NUP210L: variants seen among roughly 807,000 people sequenced by gnomAD.
NUP210L encodes the protein nucleoporin 210 like, also known as nuclear pore membrane glycoprotein 210-like.
Under a neutral mutation model 208.5 loss-of-function variants are expected in NUP210L, and 74 were observed. The observed-to-expected ratio is 0.35, with a 90% confidence interval of 0.29 to 0.43. The LOEUF (loss-of-function observed/expected upper bound fraction) is 0.43. Among genes scored for constraint, NUP210L ranks in the 20% least tolerant of loss-of-function variants. The probability of loss-of-function intolerance (pLI) is 1.00; values close to 1 mark genes in which losing one functional copy is unlikely to be tolerated. For synonymous variants in NUP210L, 780 were observed against 816.9 expected (o/e 0.95, Z 0.77); for missense variants, 1,843 against 2,289.4 (o/e 0.81, Z 3.98).
chr1:153,995,922 G>A, intron 37 of NUP210L: 1 of 524,734 alleles, frequency 1.9e-6, no homozygotes, highest in Non-Finnish European at 3.7e-6. Context: ...GAAAATTGTT[G>A]TGAAAGTGTC....
chr1:154,121,844 G>A (rs1392014431), intron 10 of NUP210L, among the ~76,000 whole-genome samples: 1 of 151,214 alleles, frequency 6.6e-6, no homozygotes, highest in African/African-American at 2.4e-5. Flanking sequence ...TCCAGTCTGG[G>A]CAACAGTAAG....
intron 10 of NUP210L, among the ~76,000 whole-genome samples, chr1:154,120,631 A>T (rs1303428847): frequency 5.8e-5 from 7 of 120,930 alleles, no homozygotes; most frequent in South Asian, 2.3e-4. Context: ...TATAATAATT[A>T]AAAAAAAAAA....
intron 11 of NUP210L, among the ~76,000 whole-genome samples, chr1:154,118,223 C>T (rs1354724044): frequency 6.6e-6 from 1 of 151,908 alleles, no homozygotes; most frequent in Non-Finnish European, 1.5e-5. Flanking sequence ...GCAGGAGAAT[C>T]GCTTCAACCT....
chr1:154,057,895 C>A (rs1045915132), intron 22 of NUP210L, among the ~76,000 whole-genome samples, 194 bp downstream of exon 22: 2 of 152,064 alleles, frequency 1.3e-5, no homozygotes, highest in South Asian at 4.1e-4. Context: ...AGGCATGTAC[C>A]CTCACGCCAG....
chr1:154,135,325 CCTT>C (rs1261329377), intron 7 of NUP210L, among the ~76,000 whole-genome samples: 3 of 152,160 alleles, frequency 2.0e-5, no homozygotes, highest in Admixed American at 2.0e-4. Flanking sequence ...CAACTATACT[CCTT>C]TTCTCTACTT....
chr1:154,030,378 G>C (rs1174677093), intron 27 of NUP210L, among the ~76,000 whole-genome samples: 3 of 151,892 alleles, frequency 2.0e-5, no homozygotes, highest in Admixed American at 6.6e-5. Flanking sequence ...GCTCACTGCA[G>C]CCTCGACCTC....
chr1:154,034,843 CTTT>C (rs35524701), intron 27 of NUP210L, among the ~76,000 whole-genome samples: 39 of 136,180 alleles, frequency 2.9e-4, no homozygotes, highest in Admixed American at 4.5e-4. Context: ...CTCTCTCTCT[CTTT>C]TTTTTTTTTT....
Position 154,001,601 on chromosome 1 carries a change from A to G in NUP210L, c.5181+134T>C, listed in dbSNP as rs1048511686. On this transcript the variant is annotated intron_variant, in intron 36 of 39. Transcript: ENST00000368559. The stretch of plus-strand genomic sequence containing the variant: ...ATTATGAAGGAGATGGGTTTTCTTC[A>G]TTTGATTTTGTCATTTCCTATGGTA... 5 of 1,012,104 alleles carry G rather than the reference A, an allele frequency of 4.9e-6. No homozygotes were observed. In the African/African-American group the frequency reaches 8.1e-5, roughly 16 times the overall value. 62.7% of individuals were successfully genotyped at this position (1,012,104 alleles called of 1,614,324 possible).
Position 154,000,082 on chromosome 1 carries a change from C to T in NUP210L, c.5386+774G>A, listed in dbSNP as rs532637441. Among the ~76,000 whole-genome samples the T allele has an allele frequency of 1.2e-3, 182 of 152,170 alleles. 3 individuals are homozygous for T. The highest frequency in any genetic ancestry group is 2.6e-4 in the Non-Finnish European group (18 of 68,014). ...CTGAGCTCAAGGGATCTGCCCACCT[C>T]GGCCTCCCAAAGTGCTGGAATTACA... On this transcript the variant is annotated intron_variant, in intron 37 of 39. Coordinates refer to ENST00000368559, the Ensembl canonical transcript of NUP210L.
chr1:154,146,168 A>T (rs1659099246), intron 2 of NUP210L, among the ~76,000 whole-genome samples: 1 of 152,212 alleles, frequency 6.6e-6, no homozygotes, highest in African/African-American at 2.4e-5. Flanking sequence ...TAAAGAAAAG[A>T]TAAGGACAAA....
intron 23 of NUP210L, among the ~76,000 whole-genome samples, chr1:154,055,151 CTTTCTTTCTTTCTTTCTT>C (rs1653771330): frequency 1.3e-4 from 16 of 118,958 alleles, no homozygotes; most frequent in African/African-American, 4.2e-4. Flanking sequence ...TTCTTTCTTT[CTTTCTTTCTTTCTTTCTT>C]TCTTTCTTTC....
chr1:154,025,180 A>G (rs964636676), intron 30 of NUP210L, among the ~76,000 whole-genome samples: 1 of 151,896 alleles, frequency 6.6e-6, no homozygotes, highest in East Asian at 1.9e-4. Context: ...CGCCTGCCTC[A>G]GCCTCCCAAA....
exon 1 of NUP210L, chr1:154,154,901 G>A (rs773559155): frequency 3.7e-6 from 6 of 1,614,102 alleles, no homozygotes; most frequent in Non-Finnish European, 5.1e-6. Context: ...GCTCTCGGCC[G>A]AAGGGTAGCA....
chr1:154,073,766 G>A (rs985728244), intron 16 of NUP210L, among the ~76,000 whole-genome samples: 1 of 151,508 alleles, frequency 6.6e-6, no homozygotes, highest in African/African-American at 2.4e-5. Context: ...AGTGAGCCGA[G>A]AATGGACCAC....
exon 33 of NUP210L, chr1:154,018,950 C>T: frequency 6.2e-7 from 1 of 1,614,118 alleles, no homozygotes; most frequent in Non-Finnish European, 8.5e-7. Context: ...TATGTTTTCA[C>T]TACTCCTGGG....
intron 17 of NUP210L, among the ~76,000 whole-genome samples, chr1:154,064,084 TG>T (rs770181037): frequency 1.3e-5 from 2 of 151,586 alleles, no homozygotes; most frequent in Admixed American, 6.6e-5. Flanking sequence ...ATAGAGGTGG[TG>T]GGGGGTCTCA....
intron 27 of NUP210L, among the ~76,000 whole-genome samples, chr1:154,036,663 C>A (rs1652573046): frequency 6.6e-6 from 1 of 151,552 alleles, no homozygotes; most frequent in African/African-American, 2.4e-5. Flanking sequence ...CCGTGCCCAG[C>A]CAGAACATAC....
chr1:154,111,065 A>G (rs1317364782), intron 12 of NUP210L, among the ~76,000 whole-genome samples: 1 of 149,584 alleles, frequency 6.7e-6, no homozygotes, highest in African/African-American at 2.5e-5. Context: ...AAAAAAAAAA[A>G]GAGAGAGAGA....
intron 16 of NUP210L, among the ~76,000 whole-genome samples, chr1:154,077,489 A>T (rs1655099057): frequency 6.6e-6 from 1 of 152,150 alleles, no homozygotes; most frequent in South Asian, 2.1e-4. Context: ...ATCCAACAAA[A>T]ATGGAGAGAA....
Sources: allele counts gnomAD v4.1 joint callset (sites outside exome capture counted in the v4.1 genomes callset), GRCh38; gene constraint gnomAD v4.1.1; transcripts MANE v1.5; gene names NCBI Gene and HGNC (gene_info 2026-07-23, HGNC 2026-07-21).